Variants in ATP10B observed in about 807,000 individuals in gnomAD.
The protein encoded by ATP10B is phospholipid-transporting ATPase VB.
A neutral mutation model predicts 141.2 loss-of-function variants in ATP10B; 122 were observed. That is an observed-to-expected ratio of 0.86 (90% CI 0.75 to 1.00). The LOEUF (loss-of-function observed/expected upper bound fraction) is 1.00, where lower values mean the gene tolerates loss of function less well. Among genes scored for constraint, ATP10B ranks in the 50% least tolerant of loss-of-function variants. The pLI, the probability that ATP10B is intolerant of heterozygous loss-of-function variation, is 0.00. For missense variants in ATP10B, 1,876 were observed against 1,825.3 expected, an observed-to-expected ratio of 1.03 and a Z score of -0.51; for synonymous variants, 685 against 692.0, an observed-to-expected ratio of 0.99 and a Z score of 0.16.
intron 7 of ATP10B, among the ~76,000 whole-genome samples, chr5:160,663,434 A>C (rs1472843863): frequency 3.3e-5 from 5 of 152,158 alleles, no homozygotes; most frequent in Admixed American, 2.6e-4. Flanking sequence ...TGTGGCACAT[A>C]TACACCATGG....
chr5:160,580,267 T>A (rs1382151760), intron 24 of ATP10B, among the ~76,000 whole-genome samples: 1 of 152,234 alleles, frequency 6.6e-6, no homozygotes, highest in African/African-American at 2.4e-5. Context: ...TGTTTCCAGC[T>A]TTTGCCCATT....
chr5:160,637,703 A>G (rs1382226237), intron 10 of ATP10B, among the ~76,000 whole-genome samples: 1 of 152,228 alleles, frequency 6.6e-6, no homozygotes, highest in East Asian at 1.9e-4. Flanking sequence ...CTATAGAGTT[A>G]TTGTGAAAAT....
intron 1 of ATP10B, among the ~76,000 whole-genome samples, chr5:160,814,017 A>G (rs927091439): frequency 6.6e-6 from 1 of 152,174 alleles, no homozygotes; most frequent in African/African-American, 2.4e-5. Context: ...GGTAGATACA[A>G]CCACAAAGAT....
chr5:160,848,449 A>G (rs1753570380), intron 1 of ATP10B, among the ~76,000 whole-genome samples: 1 of 152,242 alleles, frequency 6.6e-6, no homozygotes, highest in South Asian at 2.1e-4. Context: ...AAATTAAAGC[A>G]CTGATGTAAC....
At chr5:160,672,893 A>G in intron 6 of ATP10B, among the ~76,000 whole-genome samples, 1 of 152,238 alleles carries the variant, frequency 6.6e-6, no homozygotes, top group Admixed American at 6.5e-5. Context: ...ATCTCAGACA[A>G]GTCTTCCTAA....
At chr5:160,608,525 A>G (rs56717998) in intron 18 of ATP10B, among the ~76,000 whole-genome samples, 3,406 of 152,040 alleles carry the variant, frequency 0.022, 117 homozygotes, top group African/African-American at 0.075. Context: ...ACAATGGTTG[A>G]ACTAGTTTAC....
At chr5:160,809,678 T>G (rs1773016924) in intron 1 of ATP10B, among the ~76,000 whole-genome samples, 1 of 152,178 alleles carries the variant, frequency 6.6e-6, no homozygotes. Context: ...TCTCTTACTG[T>G]GCTTGTCTGG....
At chr5:160,836,642 C>T (rs541411722) in intron 1 of ATP10B, among the ~76,000 whole-genome samples, 1 of 152,232 alleles carries the variant, frequency 6.6e-6, no homozygotes, top group East Asian at 1.9e-4. Flanking sequence ...TTAGCTTTTA[C>T]CAACAAGGCA....
chr5:160,675,960 A>G (rs1461185573), intron 6 of ATP10B, among the ~76,000 whole-genome samples: 1 of 152,148 alleles, frequency 6.6e-6, no homozygotes, highest in Non-Finnish European at 1.5e-5. Flanking sequence ...ATGCCTAGAT[A>G]TATCTGTGGA....
At chr5:160,820,165 CAAAT>C (rs547530572) in intron 1 of ATP10B, among the ~76,000 whole-genome samples, 129 of 150,942 alleles carry the variant, frequency 8.5e-4, no homozygotes, top group African/African-American at 3.0e-3. Flanking sequence ...AGGGAAGACT[CAAAT>C]AAAATCAGAG....
intron 3 of ATP10B, among the ~76,000 whole-genome samples, chr5:160,701,023 C>T (rs1280391965): frequency 6.6e-6 from 1 of 152,128 alleles, no homozygotes; most frequent in Non-Finnish European, 1.5e-5. Context: ...CTGTTTGCTT[C>T]ACTCTCCTCT....
At position 160,807,822 on chromosome 5, in the gene ATP10B, T is replaced by C. The variant is rs79763250; in HGVS notation, c.-575-22019A>G. ...AATGCAGCGATAGCAGAGAAATCTC[T>C]TTATGCTTCTAAGTTTCTAGAACTG... is the stretch of plus-strand genomic sequence containing the variant. On this transcript the variant is annotated intron_variant, in intron 1 of 25. Transcript: ENST00000327245. 7.0e-3 allele frequency among the ~76,000 whole-genome samples: 1,066 copies of C among 152,334 alleles called. 18 individuals carry two copies. The highest frequency in any genetic ancestry group is 0.024 in the African/African-American group (1,005 of 41,574).
At chr5:160,584,692 G>A (rs774766078) in intron 24 of ATP10B, among the ~76,000 whole-genome samples, 32 of 152,186 alleles carry the variant, frequency 2.1e-4, no homozygotes, top group South Asian at 6.2e-4. Context: ...CTATTGAATA[G>A]CCCTTCTTTA....
At chr5:160,869,669 GCCC>G in the ATP10B span, among the ~76,000 whole-genome samples, 1 of 152,088 alleles carries the variant, frequency 6.6e-6, no homozygotes, top group Non-Finnish European at 1.5e-5. Flanking sequence ...GCAAACCATT[GCCC>G]CCAAGATTGA....
chr5:160,596,545 A>C (rs201733519), intron 22 of ATP10B, among the ~76,000 whole-genome samples: 103,476 of 131,396 alleles, frequency 0.79, 40,913 homozygotes, highest in Middle Eastern at 0.86. Flanking sequence ...CTGGCCAGGG[A>C]AATTAGGCAG....
At position 160,722,255 on chromosome 5, in the gene ATP10B, C is replaced by A. The variant is rs182253930; in HGVS notation, c.-330-5221G>T. Among the ~76,000 whole-genome samples the A allele has an allele frequency of 2.0e-5, 3 of 152,074 alleles. No individual in the cohort carries two copies. In the East Asian group the frequency reaches 5.8e-4, roughly 29 times the overall value. ...TATTATTTCTTTGAAGATTACATTC[C>A]CTGGAATATCATCTATACAAAGACT... is the stretch of plus-strand genomic sequence containing the variant. On this transcript the variant is annotated intron_variant, in intron 2 of 25. Transcript: ENST00000327245.
At chr5:160,819,785 T>C (rs1343334063) in intron 1 of ATP10B, among the ~76,000 whole-genome samples, 1 of 152,140 alleles carries the variant, frequency 6.6e-6, no homozygotes, top group African/African-American at 2.4e-5. Flanking sequence ...TATAAGACAG[T>C]ATTTGCAAGC....
intron 13 of ATP10B, among the ~76,000 whole-genome samples, chr5:160,626,728 G>A (rs1758632495): frequency 6.6e-6 from 1 of 152,188 alleles, no homozygotes; most frequent in Non-Finnish European, 1.5e-5. Context: ...TCATGCTGCT[G>A]CTCCGAGGAC....
the ATP10B span, among the ~76,000 whole-genome samples, chr5:160,899,460 T>G: frequency 6.6e-6 from 1 of 152,168 alleles, no homozygotes; most frequent in Non-Finnish European, 1.5e-5. Context: ...GATGTGTTTT[T>G]GGTCTTCATT....
Sources: gnomAD v4.1 joint callset for allele counts (sites outside exome capture counted in the v4.1 genomes callset) on GRCh38, gnomAD v4.1.1 for gene constraint, MANE v1.5 for transcripts, NCBI Gene and HGNC (gene_info 2026-07-23, HGNC 2026-07-21) for gene names.